The following PTPRD variants were observed in gnomAD, a reference collection of about 807,000 sequenced individuals.
The protein encoded by PTPRD is protein tyrosine phosphatase receptor type D.
Under a neutral mutation model 214.5 loss-of-function variants are expected in PTPRD, and 34 were observed. The observed-to-expected ratio is 0.16, with a 90% CI of 0.12 to 0.21. PTPRD has a LOEUF of 0.21. Among genes scored for constraint, PTPRD ranks in the 10% least tolerant of loss-of-function variants. The pLI is 1.00. For synonymous variants in PTPRD, 1,128 were observed against 845.7 expected (o/e 1.33, Z -5.79); for missense variants, 2,545 against 2,398.7 (o/e 1.06, Z -1.27).
At chr9:9,164,256 T>G (rs1342617744) in intron 10 of PTPRD, among the ~76,000 whole-genome samples, 1 of 152,184 alleles carries the variant, frequency 6.6e-6, no homozygotes, top group African/African-American at 2.4e-5. Flanking sequence ...ACCTGTATTC[T>G]TTGGCTTGTG....
At chr9:10,555,083 G>C (rs1453385469) in intron 2 of PTPRD, among the ~76,000 whole-genome samples, 1 of 152,188 alleles carries the variant, frequency 6.6e-6, no homozygotes, top group Non-Finnish European at 1.5e-5. Context: ...GACTGGTCCA[G>C]CTAGAGTCTT....
At chr9:9,101,679 A>G (rs1036814895) in intron 10 of PTPRD, among the ~76,000 whole-genome samples, 2 of 152,210 alleles carry the variant, frequency 1.3e-5, no homozygotes, top group African/African-American at 4.8e-5. Context: ...GGAGCTAAAG[A>G]CTTGAGACAT....
intron 3 of PTPRD, among the ~76,000 whole-genome samples, chr9:10,231,036 C>A (rs1275166383): frequency 6.6e-6 from 1 of 151,876 alleles, no homozygotes; most frequent in Non-Finnish European, 1.5e-5. Context: ...GACAAAATAA[C>A]CTCCTGGACT....
rs535309089 is a variant in PTPRD, at chr9:10,204,364, C to G, written c.-545+136599G>C. ...TTTATAATACTAGAGAATAGCTTTA[C>G]TGATTTTGAAAAATCCTCTAAATAC... On this transcript the variant is annotated intron_variant, in intron 3 of 45. Coordinates refer to ENST00000381196, the MANE Select transcript of PTPRD (RefSeq NM_002839.4). 4.6e-5 allele frequency among the ~76,000 whole-genome samples: 7 copies of G among 152,262 alleles called. No homozygotes were observed. The East Asian group carries it at 1.4e-3, about 29-fold the overall frequency.
chr9:9,676,589 A>G (rs968693724), intron 7 of PTPRD, among the ~76,000 whole-genome samples: 6 of 152,022 alleles, frequency 3.9e-5, no homozygotes, highest in South Asian at 2.1e-4. Context: ...ATAAACATAC[A>G]TGTGCATGTG....
At chr9:8,618,022 TA>T (rs2095668761) in intron 14 of PTPRD, among the ~76,000 whole-genome samples, 1 of 152,076 alleles carries the variant, frequency 6.6e-6, no homozygotes, top group South Asian at 2.1e-4. Flanking sequence ...TACACCCAAT[TA>T]AATTGTCAGA....
At chr9:9,463,013 G>C (rs1037800495) in intron 8 of PTPRD, among the ~76,000 whole-genome samples, 1 of 152,118 alleles carries the variant, frequency 6.6e-6, no homozygotes, top group Non-Finnish European at 1.5e-5. Context: ...AAAAAAGATT[G>C]TTTGTGGCAT....
intron 39 of PTPRD, among the ~76,000 whole-genome samples, chr9:8,347,089 T>TG (rs2074043314): frequency 4.7e-5 from 7 of 148,546 alleles, no homozygotes; most frequent in Non-Finnish European, 7.5e-5. Context: ...CCCCTGCGGA[T>TG]AGAGGGGGAC....
chr9:9,125,736 G>C (rs186520661), intron 10 of PTPRD, among the ~76,000 whole-genome samples: 4 of 152,194 alleles, frequency 2.6e-5, no homozygotes, highest in East Asian at 3.9e-4. Context: ...AATTATGTGT[G>C]GCAGAAATAA....
chr9:8,454,615 A>G (rs1249026949), intron 33 of PTPRD: 3 of 1,611,856 alleles, frequency 1.9e-6, no homozygotes, highest in Admixed American at 1.7e-5. Context: ...ATGCAGCAAA[A>G]AAAGGAAAAA....
At chr9:10,358,719 T>C (rs768670403) in intron 2 of PTPRD, among the ~76,000 whole-genome samples, 2 of 151,996 alleles carry the variant, frequency 1.3e-5, no homozygotes, top group Admixed American at 6.6e-5. Flanking sequence ...TAATCTGAAA[T>C]ATTATACTGT....
intron 5 of PTPRD, among the ~76,000 whole-genome samples, chr9:9,933,760 A>G (rs1289631090): frequency 6.7e-6 from 1 of 148,802 alleles, no homozygotes; most frequent in African/African-American, 2.6e-5. Context: ...TCCACCCCAA[A>G]TCAACAGAAT....
intron 2 of PTPRD, among the ~76,000 whole-genome samples, chr9:10,595,664 A>T (rs1157840030): frequency 2.0e-5 from 3 of 151,448 alleles, no homozygotes; most frequent in Non-Finnish European, 3.0e-5. Flanking sequence ...ATATATTTAT[A>T]ATAAAAAATT....
chr9:9,143,692 A>C (rs1206042508), intron 10 of PTPRD, among the ~76,000 whole-genome samples: 1 of 152,218 alleles, frequency 6.6e-6, no homozygotes, highest in East Asian at 1.9e-4. Flanking sequence ...GTTATTAAAA[A>C]ATAATTGGCC....
chr9:9,968,988 C>T (rs1164468691), intron 4 of PTPRD, among the ~76,000 whole-genome samples: 1 of 152,122 alleles, frequency 6.6e-6, no homozygotes, highest in African/African-American at 2.4e-5. Context: ...ATCTTGGCCT[C>T]ATAGATACTG....
intron 2 of PTPRD, among the ~76,000 whole-genome samples, chr9:10,486,242 A>G (rs559018132): frequency 6.6e-6 from 1 of 152,240 alleles, no homozygotes; most frequent in Non-Finnish European, 1.5e-5. Context: ...GGATTTTGTC[A>G]TGAAGTCTTT....
chr9:9,103,294 T>G (rs1313743089), intron 10 of PTPRD, among the ~76,000 whole-genome samples: 2 of 152,182 alleles, frequency 1.3e-5, no homozygotes, highest in Non-Finnish European at 2.9e-5. Flanking sequence ...AAATAGTTTT[T>G]GTTTGTTTTT....
chr9:9,467,763 G>T (rs1041530506), intron 8 of PTPRD, among the ~76,000 whole-genome samples: 1 of 151,864 alleles, frequency 6.6e-6, no homozygotes, highest in Admixed American at 6.6e-5. Flanking sequence ...TTTTCTGCAT[G>T]TATTTAGGAA....
chr9:8,497,008 A>C (rs1369964936), intron 26 of PTPRD, among the ~76,000 whole-genome samples: 1 of 152,202 alleles, frequency 6.6e-6, no homozygotes, highest in East Asian at 1.9e-4. Flanking sequence ...AGCAGCCATC[A>C]AAACAAATAT....
Sources: gnomAD v4.1 joint callset for allele counts (sites outside exome capture counted in the v4.1 genomes callset) on GRCh38, gnomAD v4.1.1 for gene constraint, MANE v1.5 for transcripts, NCBI Gene and HGNC (gene_info 2026-07-23, HGNC 2026-07-21) for gene names.